The following NLGN4Y variants were observed in gnomAD, a reference collection of about 807,000 sequenced individuals.
NLGN4Y encodes neuroligin-4, Y-linked.
A neutral mutation model predicts 8.4 loss-of-function variants in NLGN4Y; 4 were observed. That is an observed-to-expected ratio of 0.48 (90% CI 0.23 to 1.09). The LOEUF is 1.09. NLGN4Y is among the 50% of genes least tolerant of loss of function. The pLI, the probability that NLGN4Y is intolerant of heterozygous loss-of-function variation, is 0.19. For synonymous variants in NLGN4Y, 35 were observed against 75.6 expected, an observed-to-expected ratio of 0.46 and a Z score of 2.78; for missense variants, 90 against 192.3, an observed-to-expected ratio of 0.47 and a Z score of 3.15.
chrY:14,629,964 G>A, intron 2 of NLGN4Y, among the ~76,000 whole-genome samples: 1 of 33,611 alleles, frequency 3.0e-5, no homozygotes, highest in South Asian at 6.8e-4. Flanking sequence ...GTACTTGTAG[G>A]CAGAAGAATC....
chrY:14,583,019 C>T (rs961735806), intron 1 of NLGN4Y, among the ~76,000 whole-genome samples: 1 of 33,226 alleles, frequency 3.0e-5, no homozygotes, highest in Non-Finnish European at 7.4e-5. Context: ...TGGACAGTCA[C>T]GCCCTCTAAG....
chrY:14,678,813 T>C (rs2080758587), intron 2 of NLGN4Y, among the ~76,000 whole-genome samples: 1 of 33,481 alleles, frequency 3.0e-5, no homozygotes, highest in African/African-American at 1.2e-4. Flanking sequence ...AGCATGCGTT[T>C]ATAACAAAAA....
intron 3 of NLGN4Y, 53 bp from the exon 4 acceptor site, chrY:14,723,064 G>T: frequency 2.9e-6 from 1 of 348,741 alleles, no homozygotes; most frequent in Non-Finnish European, 4.2e-6. Context: ...TAGCATCAGT[G>T]AGTGAGCCAG....
chrY:14,824,027 T>C, intron 4 of NLGN4Y, among the ~76,000 whole-genome samples, 161 bp from the exon 5 acceptor site: 1 of 34,102 alleles, frequency 2.9e-5, no homozygotes, highest in Non-Finnish European at 7.3e-5. Flanking sequence ...ATGTAATTAT[T>C]TCTGCCACAA....
rs1460684278 is a variant in NLGN4Y, at chrY:14,707,091, GTATATATATATA to G, written c.473-12336_473-12325del. Reference sequence around the variant, plus strand: ...GGGCAATTAAAAGTCAATTTTATGTGTATATATATATATATATATATATATATATATATATAT... The same window carrying G: ...GGGCAATTAAAAGTCAATTTTATGTGTATATATATATATATATATATATAT... On this transcript the variant is annotated intron_variant, in intron 2 of 6. Coordinates refer to ENST00000684976, the MANE Select transcript of NLGN4Y (RefSeq NM_001365588.1). Among the ~76,000 whole-genome samples the G allele has an allele frequency of 2.1e-3, 8 of 3,889 alleles. No individual in the cohort carries two copies. In the East Asian group the frequency reaches 0.041, roughly 20 times the overall value. The allele number at this position is 3,889 out of a possible 37,273, so 10.4% of individuals were successfully genotyped here.
intron 2 of NLGN4Y, among the ~76,000 whole-genome samples, chrY:14,624,691 C>T (rs1603501581): frequency 9.0e-5 from 3 of 33,176 alleles, no homozygotes; most frequent in South Asian, 1.4e-3. Context: ...CACAGACTAT[C>T]GAGTTAGGAG....
chrY:14,806,604 C>A lies in NLGN4Y; in HGVS notation c.686-17584C>A, dbSNP rs778625714. ...AGAACAACACTAAGTTTGACCATAG[C>A]TGCTCTGGTATGTGATCCATTTAAT... On this transcript the variant is annotated intron_variant, in intron 4 of 6. Transcript: ENST00000684976. Among the ~76,000 whole-genome samples, 4 of 32,038 alleles carry A rather than the reference C, an allele frequency of 1.2e-4. No individual in the cohort carries two copies. In the South Asian group the frequency reaches 2.9e-3, roughly 23 times the overall value. The allele number at this position is 32,038 out of a possible 37,273, so 86.0% of individuals were successfully genotyped here.
At chrY:14,737,037 G>T in intron 4 of NLGN4Y, among the ~76,000 whole-genome samples, 3 of 33,187 alleles carry the variant, frequency 9.0e-5, no homozygotes, top group Non-Finnish European at 2.2e-4. Context: ...TGTGGCAGGA[G>T]ATTTCTGAAG....
At chrY:14,595,955 C>G in intron 1 of NLGN4Y, among the ~76,000 whole-genome samples, 1 of 32,889 alleles carries the variant, frequency 3.0e-5, no homozygotes, top group Non-Finnish European at 7.5e-5. Flanking sequence ...GATTTAGTGG[C>G]CCTTACCAAC....
At chrY:14,670,346 A>G in intron 2 of NLGN4Y, among the ~76,000 whole-genome samples, 1 of 34,463 alleles carries the variant, frequency 2.9e-5, no homozygotes, top group Admixed American at 2.6e-4. Context: ...GAACTCATCA[A>G]TAACAATGTC....
chrY:14,705,888 C>T, intron 2 of NLGN4Y, among the ~76,000 whole-genome samples: 1 of 33,131 alleles, frequency 3.0e-5, no homozygotes, highest in African/African-American at 1.2e-4. Context: ...AAGTGATTAC[C>T]TTGGTGTCTT....
In NLGN4Y at chrY:14,524,645, C is replaced by A; in HGVS notation, c.-175C>A. On this transcript the variant is annotated 5_prime_UTR_variant, in exon 1 of 7. Coordinates refer to ENST00000684976, the MANE Select transcript of NLGN4Y (RefSeq NM_001365588.1). ...CTGCCACGGCTGGGGCAACCCAACC[C>A]GCGCCTGAAGCGGCTTGGCTTGACC... 8.3e-6 allele frequency: 1 copy of A among 120,410 alleles called. No homozygotes were observed. Among genetic ancestry groups the A allele is most frequent in the African/African-American group, 9.4e-5 (1 of 10,610 alleles). 30.0% of individuals were successfully genotyped at this position (120,410 alleles called of 400,897 possible).
chrY:14,621,858 C>T, intron 1 of NLGN4Y, 151 bp from the exon 2 acceptor site: 1 of 123,608 alleles, frequency 8.1e-6, no homozygotes, highest in South Asian at 5.4e-5. Context: ...TTGCTATTGT[C>T]GACTATGTGG....
intron 2 of NLGN4Y, among the ~76,000 whole-genome samples, chrY:14,673,739 T>C: frequency 9.0e-5 from 3 of 33,419 alleles, no homozygotes; most frequent in African/African-American, 3.5e-4. Context: ...CGTATGTTTA[T>C]TGCGGCATTA....
chrY:14,715,682 A>G (rs1041850904), intron 2 of NLGN4Y, among the ~76,000 whole-genome samples: 9 of 32,908 alleles, frequency 2.7e-4, no homozygotes, highest in Non-Finnish European at 6.0e-4. Context: ...TTCCTAATGT[A>G]GATGCCGGGC....
chrY:14,687,923 C>T, intron 2 of NLGN4Y, among the ~76,000 whole-genome samples: 1 of 33,387 alleles, frequency 3.0e-5, no homozygotes, highest in Non-Finnish European at 7.4e-5. Flanking sequence ...TGAGGGAAAC[C>T]AGTTAGAATA....
At chrY:14,560,100 G>T in intron 1 of NLGN4Y, among the ~76,000 whole-genome samples, 1 of 33,205 alleles carries the variant, frequency 3.0e-5, no homozygotes, top group Admixed American at 2.8e-4. Flanking sequence ...GTGTTTGTGT[G>T]TGTGTATGTG....
intron 1 of NLGN4Y, among the ~76,000 whole-genome samples, chrY:14,575,694 C>T (rs2080295314): frequency 6.0e-5 from 2 of 33,285 alleles, no homozygotes; most frequent in Non-Finnish European, 1.5e-4. Context: ...TTTTTCTGTT[C>T]GGTTTTTTTC....
At chrY:14,527,615 A>G in intron 1 of NLGN4Y, among the ~76,000 whole-genome samples, 2 of 33,593 alleles carry the variant, frequency 6.0e-5, no homozygotes, top group African/African-American at 1.2e-4. Context: ...GGATTTTCAG[A>G]CAGACTGTGC....
Sources: allele counts gnomAD v4.1 joint callset (sites outside exome capture counted in the v4.1 genomes callset), GRCh38; gene constraint gnomAD v4.1.1; transcripts MANE v1.5; gene names NCBI Gene and HGNC (gene_info 2026-07-23, HGNC 2026-07-21).